Variants in RPRD1A observed in about 807,000 individuals in gnomAD.
RPRD1A encodes regulation of nuclear pre-mRNA domain containing 1A.
In RPRD1A, 9 loss-of-function variants were observed where a neutral mutation model predicts 37.8. The ratio of observed to expected loss-of-function variants is 0.24; its 90% CI spans 0.14 to 0.42. RPRD1A has a LOEUF of 0.42. Among genes scored for constraint, RPRD1A ranks in the 10% least tolerant of loss-of-function variants. The pLI is 1.00. For synonymous variants in RPRD1A, 138 were observed against 139.7 expected (o/e 0.99, Z 0.08); for missense variants, 255 against 371.0 (o/e 0.69, Z 2.57).
intron 1 of RPRD1A, among the ~76,000 whole-genome samples, chr18:36,056,426 T>G (rs1291893241): frequency 6.6e-6 from 1 of 152,054 alleles, no homozygotes; most frequent in Non-Finnish European, 1.5e-5. Flanking sequence ...TAGCTGGGAT[T>G]ACAGGTGCCT....
intron 6 of RPRD1A, among the ~76,000 whole-genome samples, chr18:35,994,498 G>C (rs1445644985): frequency 6.6e-6 from 1 of 152,220 alleles, no homozygotes; most frequent in Non-Finnish European, 1.5e-5. Flanking sequence ...ATTGGTTGTG[G>C]TTCTGCTGTG....
chr18:36,030,939 G>T (rs770025827), intron 3 of RPRD1A, 34 bp from the exon 4 acceptor site: 7 of 1,598,102 alleles, frequency 4.4e-6, no homozygotes, highest in Admixed American at 1.7e-5. Context: ...ATTAATGAAA[G>T]AATACATTTT....
chr18:36,008,577 G>GTATATATATATATATATATATATA lies in RPRD1A; in HGVS notation c.790-15278_790-15277insTATATATATATATATATATATATA, dbSNP rs141531156. 6.1e-4 allele frequency among the ~76,000 whole-genome samples: 29 copies of GTATATATATATATATATATATATA among 47,796 alleles called. 2 individuals carry two copies. The highest frequency in any genetic ancestry group is 2.0e-3 in the African/African-American group (29 of 14,818). 31.4% of individuals were successfully genotyped at this position (47,796 alleles called of 152,430 possible). On this transcript the variant is annotated intron_variant, in intron 6 of 6. Transcript: ENST00000399022. ...GGCGACACAGCAAGACCTTGTGTGT[G>GTATATATATATATATATATATATA]TATATATATATATCTTTAAAAATCT...
At chr18:36,045,968 C>T (rs1309989666) in intron 1 of RPRD1A, among the ~76,000 whole-genome samples, 4 of 152,186 alleles carry the variant, frequency 2.6e-5, no homozygotes, top group Non-Finnish European at 5.9e-5. Flanking sequence ...ACTATACAGA[C>T]ATTTTTGAGG....
chr18:36,000,379 TGTAA>T (rs1222457887), intron 6 of RPRD1A, among the ~76,000 whole-genome samples: 5 of 152,250 alleles, frequency 3.3e-5, no homozygotes, highest in East Asian at 1.9e-4. Context: ...ATTACTTTAA[TGTAA>T]GTAAGTATCA....
rs1346242250 is a variant in RPRD1A, at chr18:36,026,900, T to C, written c.789A>G (p.Glu263=). ...ACTAAAGAAGAAAAAGGTTACGCAC[T>C]TCCAATTTATGCTCTTTCTCTGCAA... The part of the protein sequence containing the change: ...EALAEKEHKL[E]EYKRKLARVS... The change falls in exon 6 of 7, where the codon GAA becomes GAG. Residue 263 remains glutamate (E), a splice_region_variant and synonymous_variant. Coordinates refer to ENST00000399022, the MANE Select transcript of RPRD1A (RefSeq NM_018170.5). 7.4e-6 allele frequency: 12 copies of C among 1,612,608 alleles called. No individual in the cohort carries two copies. In the East Asian group the frequency reaches 2.7e-4, roughly 36 times the overall value.
Position 35,991,679 on chromosome 18 carries a change from A to C in RPRD1A, c.*1472T>G, listed in dbSNP as rs1002796353. 1.3e-5 allele frequency: 2 copies of C among 152,220 alleles called. No homozygotes were observed. The highest frequency in any genetic ancestry group is 1.9e-4 in the East Asian group (1 of 5,196). The allele number at this position is 152,220 out of a possible 1,614,324, so 9.4% of individuals were successfully genotyped here. A position where few individuals can be genotyped will look rare whatever the true frequency, so the allele number is the denominator to read the frequency against. ...AGTAGTGCATGGATGAGCACTACTT[A>C]TATGTGTCTCTGTTTTGGAGAGAGG... On this transcript the variant is annotated 3_prime_UTR_variant, in exon 7 of 7. Transcript: ENST00000399022.
At chr18:36,015,476 A>C (rs1220382402) in intron 6 of RPRD1A, among the ~76,000 whole-genome samples, 1 of 152,224 alleles carries the variant, frequency 6.6e-6, no homozygotes, top group Non-Finnish European at 1.5e-5. Flanking sequence ...TACTGGGATT[A>C]CAGGCGTGAG....
At chr18:36,065,600 G>A (rs1385916171) in intron 1 of RPRD1A, among the ~76,000 whole-genome samples, 2 of 152,104 alleles carry the variant, frequency 1.3e-5, no homozygotes, top group African/African-American at 2.4e-5. Context: ...TTCCTAGAAA[G>A]AAAACTGCTA....
At chr18:36,002,307 C>A (rs1404265153) in intron 6 of RPRD1A, among the ~76,000 whole-genome samples, 1 of 152,164 alleles carries the variant, frequency 6.6e-6, no homozygotes, top group African/African-American at 2.4e-5. Context: ...CTTTTCCATT[C>A]TGTTTTCACT....
rs76462864 is a variant in RPRD1A at position 36,051,546 on chromosome 18, T to C, written c.151+15708A>G. Reference sequence around the variant, plus strand: ...AATATTCTCTAATACCCCTTCCAATTCTAAAACCCTCAGATTCTACACACT... The same window carrying C: ...AATATTCTCTAATACCCCTTCCAATCCTAAAACCCTCAGATTCTACACACT... On this transcript the variant is annotated intron_variant, in intron 1 of 6. Transcript: ENST00000399022. Among the ~76,000 whole-genome samples the C allele has an allele frequency of 7.6e-3, 1,154 of 152,220 alleles. 15 individuals carry two copies. The highest frequency in any genetic ancestry group is 0.026 in the African/African-American group (1,096 of 41,524).
intron 6 of RPRD1A, among the ~76,000 whole-genome samples, chr18:36,008,577 G>GTATGTATGTATATA (rs1909946486): frequency 2.1e-5 from 1 of 47,802 alleles, no homozygotes; most frequent in African/African-American, 6.8e-5. Flanking sequence ...CCTTGTGTGT[G>GTATGTATGTATATA]TATATATATA....
chr18:36,058,376 T>C (rs879786732), intron 1 of RPRD1A, among the ~76,000 whole-genome samples: 2 of 152,192 alleles, frequency 1.3e-5, no homozygotes, highest in Non-Finnish European at 2.9e-5. Flanking sequence ...CTTCTACTTG[T>C]ACATTTTGAA....
chr18:36,047,208 GAAATAAAT>G lies in RPRD1A; in HGVS notation c.152-13379_152-13372del, dbSNP rs111354358. On this transcript the variant is annotated intron_variant, in intron 1 of 6. Coordinates refer to ENST00000399022, the MANE Select transcript of RPRD1A (RefSeq NM_018170.5). ...GGGCAACAGAGCAAGACCCTGTCTCGAAATAAATAAATAAATAAATAAATAAATAAAGC... is the reference window on the plus strand; with the variant it reads ...GGGCAACAGAGCAAGACCCTGTCTCGAAATAAATAAATAAATAAATAAAGC... 8.5e-3 allele frequency among the ~76,000 whole-genome samples: 1,272 copies of G among 150,108 alleles called. 21 individuals are homozygous for G. Among genetic ancestry groups the G allele is most frequent in the African/African-American group, 0.03 (1,196 of 40,456 alleles).
At chr18:36,016,743 G>A (rs1162012346) in intron 6 of RPRD1A, among the ~76,000 whole-genome samples, 1 of 152,144 alleles carries the variant, frequency 6.6e-6, no homozygotes, top group Admixed American at 6.5e-5. Context: ...GGAACTGGAA[G>A]AAATATAAAC....
At chr18:36,031,700 C>T (rs1241578789) in intron 2 of RPRD1A, among the ~76,000 whole-genome samples, 1 of 152,208 alleles carries the variant, frequency 6.6e-6, no homozygotes, top group Non-Finnish European at 1.5e-5. Flanking sequence ...GACAGAAACA[C>T]TACTATCTCT....
At chr18:36,028,164 T>C (rs1429862494) in intron 4 of RPRD1A, 2 of 152,008 alleles carry the variant, frequency 1.3e-5, no homozygotes, top group Non-Finnish European at 2.9e-5. Context: ...TCAGAAACAC[T>C]AGGAAATTAC....
At chr18:36,039,411 G>C (rs1208457034) in intron 1 of RPRD1A, among the ~76,000 whole-genome samples, 2 of 152,184 alleles carry the variant, frequency 1.3e-5, no homozygotes, top group African/African-American at 2.4e-5. Context: ...ATAACCAGGA[G>C]ACAGTTATAT....
At chr18:36,025,019 A>G (rs959217166) in intron 6 of RPRD1A, 1 of 152,262 alleles carries the variant, frequency 6.6e-6, no homozygotes, top group Non-Finnish European at 1.5e-5. Flanking sequence ...CAACAAAAAA[A>G]GTTCCTAGAA....
Sources: gnomAD v4.1 joint callset for allele counts (sites outside exome capture counted in the v4.1 genomes callset) on GRCh38, gnomAD v4.1.1 for gene constraint, MANE v1.5 for transcripts, NCBI Gene and HGNC (gene_info 2026-07-23, HGNC 2026-07-21) for gene names.